Variants in CTNND2 observed in about 807,000 individuals in gnomAD.
CTNND2 encodes the protein catenin delta 2, also known as catenin delta-2.
A neutral mutation model predicts 144.4 loss-of-function variants in CTNND2; 22 were observed. The observed-to-expected ratio is 0.15, with a 90% CI of 0.11 to 0.22. The LOEUF (loss-of-function observed/expected upper bound fraction) is 0.22. CTNND2 is among the 10% of genes least tolerant of loss of function. CTNND2 has a pLI of 1.00. For synonymous variants in CTNND2, 751 were observed against 695.6 expected, an observed-to-expected ratio of 1.08 and a Z score of -1.25; for missense variants, 1,353 against 1,618.8, an observed-to-expected ratio of 0.84 and a Z score of 2.82.
chr5:11,824,826 A>G (rs1410579764), intron 1 of CTNND2, among the ~76,000 whole-genome samples: 2 of 152,344 alleles, frequency 1.3e-5, no homozygotes, highest in South Asian at 2.1e-4. Flanking sequence ...CACACAGTCA[A>G]GTACTGTGTA....
At chr5:11,188,776 T>C (rs1364122059) in intron 11 of CTNND2, among the ~76,000 whole-genome samples, 1 of 152,190 alleles carries the variant, frequency 6.6e-6, no homozygotes, top group African/African-American at 2.4e-5. Context: ...CTGAAGACTC[T>C]ATGGGATACA....
chr5:11,627,065 G>A (rs1781193993), intron 2 of CTNND2, among the ~76,000 whole-genome samples: 1 of 152,108 alleles, frequency 6.6e-6, no homozygotes, highest in Admixed American at 6.5e-5. Flanking sequence ...AAAATTGCTG[G>A]TGATCACTAT....
intron 12 of CTNND2, among the ~76,000 whole-genome samples, chr5:11,138,088 G>T (rs1275215213): frequency 6.6e-6 from 1 of 152,196 alleles, no homozygotes; most frequent in Non-Finnish European, 1.5e-5. Flanking sequence ...TAGGACTGAA[G>T]TCCTGTTTCC....
chr5:11,052,184 C>T (rs984005449), intron 16 of CTNND2, among the ~76,000 whole-genome samples: 1 of 152,130 alleles, frequency 6.6e-6, no homozygotes, highest in South Asian at 2.1e-4. Flanking sequence ...TGGTTTTGTA[C>T]TACCTGTGCT....
intron 9 of CTNND2, among the ~76,000 whole-genome samples, chr5:11,303,451 C>T (rs1175037834): frequency 6.6e-6 from 1 of 152,178 alleles, no homozygotes; most frequent in African/African-American, 2.4e-5. Flanking sequence ...CCTCAGTTTC[C>T]TCCTTCTATA....
chr5:11,363,527 G>A (rs747977596), intron 8 of CTNND2, among the ~76,000 whole-genome samples: 6 of 152,116 alleles, frequency 3.9e-5, no homozygotes, highest in Non-Finnish European at 7.4e-5. Flanking sequence ...AATTCTGACA[G>A]AAGAACAAAT....
intron 1 of CTNND2, among the ~76,000 whole-genome samples, chr5:11,853,181 G>C (rs1795094761): frequency 6.6e-6 from 1 of 152,080 alleles, no homozygotes; most frequent in Non-Finnish European, 1.5e-5. Context: ...AACTGCTTTG[G>C]TCAGGCTCCC....
chr5:11,189,275 T>C lies in CTNND2; in HGVS notation c.1975+10173A>G, dbSNP rs16901387. Among the ~76,000 whole-genome samples, 1,407 of 152,346 alleles carry C rather than the reference T, an allele frequency of 9.2e-3. 20 individuals are homozygous for C. Among genetic ancestry groups the C allele is most frequent in the South Asian group, 0.064 (311 of 4,824 alleles). On this transcript the variant is annotated intron_variant, in intron 11 of 21. Transcript: ENST00000304623. ...CCATATCATAAGGAAGGCTGGTCTA[T>C]GGCTGTAAGGTGCCTGGGTCCTTAC...
At chr5:11,479,463 C>A (rs1398532321) in intron 3 of CTNND2, among the ~76,000 whole-genome samples, 1 of 152,130 alleles carries the variant, frequency 6.6e-6, no homozygotes, top group Non-Finnish European at 1.5e-5. Flanking sequence ...TGAACATACA[C>A]ATGCATGTAT....
chr5:11,542,932 T>C (rs951737348), intron 3 of CTNND2, among the ~76,000 whole-genome samples: 31 of 152,246 alleles, frequency 2.0e-4, no homozygotes, highest in African/African-American at 7.2e-4. Context: ...TACTCATTTA[T>C]TAACATCAAA....
intron 12 of CTNND2, among the ~76,000 whole-genome samples, chr5:11,134,361 T>C (rs1024696378): frequency 2.0e-5 from 3 of 152,168 alleles, no homozygotes; most frequent in Non-Finnish European, 4.4e-5. Flanking sequence ...AAGAGCCCAA[T>C]GGCCAATGCC....
chr5:11,017,553 GATATATATACATATATATAT>G (rs1388148633), intron 18 of CTNND2, among the ~76,000 whole-genome samples: 9 of 139,024 alleles, frequency 6.5e-5, no homozygotes, highest in Admixed American at 2.9e-4. Context: ...CATATATAAA[GATATATATACATATATATAT>G]ATATCTTTCC....
At position 11,425,005 on chromosome 5, in the gene CTNND2, C is replaced by T. The variant is rs116131384; in HGVS notation, c.288-12936G>A. 5.8e-3 allele frequency among the ~76,000 whole-genome samples: 878 copies of T among 152,280 alleles called. 10 individuals are homozygous for T. The highest frequency in any genetic ancestry group is 0.02 in the African/African-American group (833 of 41,554). ...GGAGCATAATATACCAATCATACTG[C>T]CCATTGCCAATCAGAGACAAGAAAT... On this transcript the variant is annotated intron_variant, in intron 3 of 21. Transcript: ENST00000304623.
chr5:11,803,380 C>G (rs72736627), intron 1 of CTNND2, among the ~76,000 whole-genome samples: 16,919 of 151,974 alleles, frequency 0.11, 1,133 homozygotes, highest in East Asian at 0.19. Flanking sequence ...AGAAATTTAA[C>G]TTTTTGCTTT....
intron 1 of CTNND2, among the ~76,000 whole-genome samples, chr5:11,781,403 G>A (rs1353214773): frequency 6.6e-6 from 1 of 152,210 alleles, no homozygotes; most frequent in Non-Finnish European, 1.5e-5. Flanking sequence ...AAAGAAATAT[G>A]AGGTTTCTGA....
intron 1 of CTNND2, among the ~76,000 whole-genome samples, chr5:11,763,112 C>G (rs987144089): frequency 6.6e-6 from 1 of 152,196 alleles, no homozygotes; most frequent in Non-Finnish European, 1.5e-5. Context: ...TTCACTCTCT[C>G]TCTCCTGCTG....
chr5:11,873,824 C>G (rs1735345152), intron 1 of CTNND2, among the ~76,000 whole-genome samples: 1 of 152,172 alleles, frequency 6.6e-6, no homozygotes, highest in Non-Finnish European at 1.5e-5. Context: ...TTCACAGTAG[C>G]CTTGCATCAT....
chr5:11,703,781 G>A (rs1785564369), intron 2 of CTNND2, among the ~76,000 whole-genome samples: 1 of 152,068 alleles, frequency 6.6e-6, no homozygotes, highest in Non-Finnish European at 1.5e-5. Context: ...TGGATATCTT[G>A]TATATCTGCC....
At chr5:11,234,031 C>T (rs1741345988) in intron 10 of CTNND2, among the ~76,000 whole-genome samples, 1 of 152,160 alleles carries the variant, frequency 6.6e-6, no homozygotes, top group African/African-American at 2.4e-5. Context: ...GCATGGAGGG[C>T]TGCCATCAAT....
Sources: allele counts gnomAD v4.1 joint callset (sites outside exome capture counted in the v4.1 genomes callset), GRCh38; gene constraint gnomAD v4.1.1; transcripts MANE v1.5; gene names NCBI Gene and HGNC (gene_info 2026-07-23, HGNC 2026-07-21).